ZNF385D: variants seen among roughly 807,000 people sequenced by gnomAD.
ZNF385D encodes zinc finger protein 385D, also known as zinc finger protein 659.
ZNF385D carries 15 observed loss-of-function variants against 35.8 expected under a neutral mutation model. The ratio of observed to expected loss-of-function variants is 0.42; its 90% CI spans 0.28 to 0.64. The LOEUF is 0.64. ZNF385D is among the 30% of genes least tolerant of loss of function. The probability of loss-of-function intolerance (pLI) is 0.23; values close to 1 mark genes in which losing one functional copy is unlikely to be tolerated. For missense variants in ZNF385D, 474 were observed against 494.6 expected (o/e 0.96, Z 0.39); for synonymous variants, 212 against 186.8 (o/e 1.13, Z -1.10).
chr3:22,223,658 A>G (rs936092754), intron 2 of ZNF385D, among the ~76,000 whole-genome samples: 2 of 152,190 alleles, frequency 1.3e-5, no homozygotes, highest in African/African-American at 4.8e-5. Flanking sequence ...GCTTAACACT[A>G]AATATATTTT....
At chr3:22,035,688 C>G (rs1188097771) in intron 3 of ZNF385D, among the ~76,000 whole-genome samples, 1 of 152,078 alleles carries the variant, frequency 6.6e-6, no homozygotes, top group Non-Finnish European at 1.5e-5. Context: ...AGCAAGACCC[C>G]TAGAAAACAA....
chr3:21,424,317 A>AT (rs1213225859), intron 6 of ZNF385D, among the ~76,000 whole-genome samples: 6,535 of 63,780 alleles, frequency 0.1, 816 homozygotes, highest in South Asian at 0.14. Context: ...ATATATATAT[A>AT]TTTTTTTTTT....
intron 1 of ZNF385D, among the ~76,000 whole-genome samples, chr3:21,742,681 A>G (rs1319678054): frequency 6.6e-6 from 1 of 152,202 alleles, no homozygotes; most frequent in Admixed American, 6.5e-5. Context: ...TGCTCCTGCC[A>G]GGAGGCCCTG....
chr3:22,132,617 T>G (rs1357922367), intron 3 of ZNF385D, among the ~76,000 whole-genome samples: 5 of 152,138 alleles, frequency 3.3e-5, no homozygotes, highest in Admixed American at 2.6e-4. Context: ...GAATTCATTT[T>G]CTGAAAAAAA....
chr3:21,868,830 T>C (rs1040449927), intron 3 of ZNF385D, among the ~76,000 whole-genome samples: 1 of 152,174 alleles, frequency 6.6e-6, no homozygotes, highest in East Asian at 1.9e-4. Flanking sequence ...TTTCTTTGAC[T>C]GAATTCTTAT....
intron 3 of ZNF385D, among the ~76,000 whole-genome samples, chr3:22,060,832 G>C (rs911544953): frequency 2.0e-5 from 3 of 151,948 alleles, no homozygotes; most frequent in African/African-American, 7.2e-5. Flanking sequence ...ATTTAAAAAA[G>C]AAAGTTTTGC....
At chr3:22,202,706 C>A (rs1472061965) in intron 2 of ZNF385D, among the ~76,000 whole-genome samples, 3 of 152,108 alleles carry the variant, frequency 2.0e-5, no homozygotes, top group African/African-American at 7.2e-5. Flanking sequence ...TGTCCCCTAG[C>A]AGCAGATGCA....
rs192676712 is a variant in ZNF385D at position 21,974,750 on chromosome 3, T to C, written c.325+194067A>G. Among the ~76,000 whole-genome samples, 277 of 152,050 alleles carry C rather than the reference T, an allele frequency of 1.8e-3. 3 individuals are homozygous for C. In the South Asian group the frequency reaches 0.022, roughly 12 times the overall value. On this transcript the variant is annotated intron_variant, in intron 3 of 5. Coordinates refer to the ZNF385D transcript ENST00000494108. The stretch of plus-strand genomic sequence containing the variant: ...GAAAAAAAACCAATCCAATTTAAAA[T>C]GGCAAAAGATCTAAGTAGACGTTTC...
intron 3 of ZNF385D, among the ~76,000 whole-genome samples, chr3:22,097,208 TA>T (rs1267973051): frequency 2.0e-5 from 3 of 152,094 alleles, no homozygotes; most frequent in Non-Finnish European, 2.9e-5. Context: ...CAAATATGAT[TA>T]TTTTTATTTT....
chr3:22,114,591 G>T (rs182131229), intron 3 of ZNF385D, among the ~76,000 whole-genome samples: 1 of 152,088 alleles, frequency 6.6e-6, no homozygotes, highest in African/African-American at 2.4e-5. Flanking sequence ...GCAGATCACT[G>T]TTGTGAGCAA....
chr3:21,522,391 G>T (rs1329874983), intron 3 of ZNF385D, among the ~76,000 whole-genome samples: 1 of 152,090 alleles, frequency 6.6e-6, no homozygotes, highest in Non-Finnish European at 1.5e-5. Context: ...AGGCTAGAGT[G>T]CAATGGCACG....
chr3:22,348,713 G>A (rs966368940), intron 2 of ZNF385D, among the ~76,000 whole-genome samples: 6 of 151,832 alleles, frequency 4.0e-5, no homozygotes, highest in Middle Eastern at 3.2e-3. Flanking sequence ...GGAGGAGAGA[G>A]AAAGTAGGGT....
At chr3:22,048,513 G>A (rs1345580741) in intron 3 of ZNF385D, among the ~76,000 whole-genome samples, 1 of 152,140 alleles carries the variant, frequency 6.6e-6, no homozygotes, top group Admixed American at 6.5e-5. Flanking sequence ...TCCCTTCCCT[G>A]TTGTGTGTTC....
chr3:22,221,984 G>T (rs978099709), intron 2 of ZNF385D, among the ~76,000 whole-genome samples: 1 of 151,594 alleles, frequency 6.6e-6, no homozygotes, highest in African/African-American at 2.4e-5. Context: ...TAACCATTCC[G>T]ATTTTTTTTT....
chr3:22,130,624 C>T (rs1703727002), intron 3 of ZNF385D, among the ~76,000 whole-genome samples: 1 of 152,202 alleles, frequency 6.6e-6, no homozygotes, highest in South Asian at 2.1e-4. Flanking sequence ...AACTTCACTA[C>T]ATTTTCCTTC....
intron 2 of ZNF385D, among the ~76,000 whole-genome samples, chr3:22,295,199 A>T (rs899127661): frequency 6.6e-6 from 1 of 152,198 alleles, no homozygotes; most frequent in Non-Finnish European, 1.5e-5. Flanking sequence ...GTAAAGATTT[A>T]ACAGTCTTTC....
intron 2 of ZNF385D, among the ~76,000 whole-genome samples, chr3:22,233,841 G>C (rs541842996): frequency 1.3e-5 from 2 of 152,096 alleles, no homozygotes; most frequent in Admixed American, 6.6e-5. Flanking sequence ...CTGGTATTAA[G>C]AAACAATTTA....
At chr3:21,811,841 T>C (rs1326940115) in intron 3 of ZNF385D, among the ~76,000 whole-genome samples, 1 of 152,212 alleles carries the variant, frequency 6.6e-6, no homozygotes, top group Admixed American at 6.5e-5. Context: ...TCCAAAATCA[T>C]GTTAAATGGC....
At chr3:21,479,172 C>A (rs573051157) in intron 4 of ZNF385D, among the ~76,000 whole-genome samples, 1 of 148,748 alleles carries the variant, frequency 6.7e-6, no homozygotes, top group Non-Finnish European at 1.5e-5. Flanking sequence ...CTACTGAAAG[C>A]TTTAGAGGAG....
Sources: gnomAD v4.1 joint callset for allele counts (sites outside exome capture counted in the v4.1 genomes callset) on GRCh38, gnomAD v4.1.1 for gene constraint, MANE v1.5 for transcripts, NCBI Gene and HGNC (gene_info 2026-07-23, HGNC 2026-07-21) for gene names.